Variants in EBAG9 observed in about 807,000 individuals in gnomAD.
EBAG9 encodes receptor-binding cancer antigen expressed on SiSo cells.
EBAG9 carries 16 observed loss-of-function variants against 30.9 expected under a neutral mutation model. That is an observed-to-expected ratio of 0.52 (90% CI 0.35 to 0.79). The LOEUF (loss-of-function observed/expected upper bound fraction) is 0.79. Ranked by LOEUF, EBAG9 falls within the 30% of genes least tolerant of loss-of-function variation. The probability of loss-of-function intolerance (pLI) is 0.01; values close to 1 mark genes in which losing one functional copy is unlikely to be tolerated. For synonymous variants in EBAG9, 93 were observed against 82.8 expected (o/e 1.12, Z -0.67); for missense variants, 197 against 242.1 (o/e 0.81, Z 1.24).
rs994176406 is a variant in EBAG9, at chr8:109,565,789, T to A, written c.*1230T>A. On this transcript the variant is annotated 3_prime_UTR_variant, in exon 7 of 7. Coordinates refer to ENST00000337573, the MANE Select transcript of EBAG9 (RefSeq NM_004215.5). ...CTGTACAGGCCAAACCTTACTAATT[T>A]ATTTTACTTAAAGTGATATTTTATA... The A allele has an allele frequency of 7.2e-5, 11 of 152,128 alleles. No homozygotes were observed. The highest frequency in any genetic ancestry group is 5.9e-5 in the Non-Finnish European group (4 of 67,956). The allele number at this position is 152,128 out of a possible 1,614,324, so 9.4% of individuals were successfully genotyped here.
At chr8:109,540,516 C>T (rs1485712233) in intron 1 of EBAG9, 55 bp downstream of exon 1, 1 of 152,034 alleles carries the variant, frequency 6.6e-6, no homozygotes, top group Non-Finnish European at 1.5e-5. Flanking sequence ...AATGAAACCA[C>T]TTAAGTTATG....
At position 109,564,463 on chromosome 8, in the gene EBAG9, A is replaced by C; in HGVS notation, c.546A>C (p.Glu182Asp). 6.2e-7 allele frequency: 1 copy of C among 1,612,754 alleles called. No homozygotes were observed. The highest frequency in any genetic ancestry group is 8.5e-7 in the Non-Finnish European group (1 of 1,179,014). The change falls in exon 7 of 7, where the codon GAA becomes GAC. Residue 182 changes from glutamate to aspartate, a missense_variant. By Grantham distance (45) the Glu-to-Asp change is conservative. Coordinates refer to ENST00000337573, the MANE Select transcript of EBAG9 (RefSeq NM_004215.5). ...GACAGCAGAAACTAGCAGACAGAGA[A>C]AAGAGAGCAGCCGAACAACAAAGGA... ...VLRQQKLADR[E>D]KRAAEQQRKK...
rs1200181266 is a variant in EBAG9, at chr8:109,565,408, G to C, written c.*849G>C. ...AATTTACAAATGCTTAAAGCCATCA[G>C]GTCAAATATTTCAAAGCCTTTAGAT... On this transcript the variant is annotated 3_prime_UTR_variant, in exon 7 of 7. Transcript: ENST00000337573. 1 of 151,930 alleles carries C rather than the reference G, an allele frequency of 6.6e-6. No homozygotes were observed. The highest frequency in any genetic ancestry group is 2.4e-5 in the African/African-American group (1 of 41,388). The allele number at this position is 151,930 out of a possible 1,614,324, so 9.4% of individuals were successfully genotyped here. A position where few individuals can be genotyped will look rare whatever the true frequency, so the allele number is the denominator to read the frequency against.
At chr8:109,557,697 T>C (rs1821628943) in intron 5 of EBAG9, 1 of 455,948 alleles carries the variant, frequency 2.2e-6, no homozygotes. Context: ...CTAAACTGGG[T>C]GGTTCTAACT....
At chr8:109,545,313 C>G (rs1821360365) in intron 1 of EBAG9, among the ~76,000 whole-genome samples, 1 of 108,910 alleles carries the variant, frequency 9.2e-6, no homozygotes, top group African/African-American at 4.4e-5. Flanking sequence ...CAGAGCGAGA[C>G]TGTGTCTCAA....
chr8:109,559,758 T>C (rs1403973343), intron 5 of EBAG9, among the ~76,000 whole-genome samples: 1 of 151,510 alleles, frequency 6.6e-6, no homozygotes, highest in East Asian at 1.9e-4. Flanking sequence ...GAAGCTGCAG[T>C]GAACCATGAT....
chr8:109,560,269 A>G (rs1157871779), intron 5 of EBAG9, among the ~76,000 whole-genome samples: 4 of 152,216 alleles, frequency 2.6e-5, no homozygotes, highest in African/African-American at 9.7e-5. Context: ...AGCATGACCT[A>G]GAAGTATTTC....
chr8:109,561,624 A>G (rs1821712206), intron 6 of EBAG9, among the ~76,000 whole-genome samples: 2 of 152,018 alleles, frequency 1.3e-5, no homozygotes, highest in African/African-American at 2.4e-5. Flanking sequence ...ATGCATCTAA[A>G]GAATTCATAC....
chr8:109,545,582 C>T (rs1821368457), intron 1 of EBAG9, among the ~76,000 whole-genome samples: 1 of 151,918 alleles, frequency 6.6e-6, no homozygotes, highest in Non-Finnish European at 1.5e-5. Flanking sequence ...CCAGGCTGGT[C>T]TCGAACTCCT....
chr8:109,553,831 G>T lies in EBAG9; in HGVS notation c.84-34G>T, dbSNP rs763890372. ...TGCTTTTACTTTGCTTGTTTTGGTGGTTCTTGAAATAAATTATTTCATTTT... is the reference window on the plus strand; with the variant it reads ...TGCTTTTACTTTGCTTGTTTTGGTGTTTCTTGAAATAAATTATTTCATTTT... On this transcript the variant is annotated intron_variant, in intron 2 of 6. Transcript: ENST00000337573. The T allele has an allele frequency of 5.2e-6, 8 of 1,551,902 alleles. No individual in the cohort carries two copies. In the Admixed American group the frequency reaches 1.4e-4, roughly 28 times the overall value.
chr8:109,563,484 G>C (rs1419499694), intron 6 of EBAG9: 1 of 1,597,376 alleles, frequency 6.3e-7, no homozygotes, highest in Admixed American at 1.7e-5. Flanking sequence ...AATCAGTAAA[G>C]ATAGAGAGAG....
In EBAG9 at chr8:109,559,613, A is replaced by G. The variant is rs1436153446; in HGVS notation, c.430-1225A>G. On this transcript the variant is annotated intron_variant, in intron 5 of 6. Coordinates refer to ENST00000337573, the MANE Select transcript of EBAG9 (RefSeq NM_004215.5). ...GATCACTTGAGTTCAGGAGTTCAAG[A>G]CCAACCTGAGCAACATAGCTAGACC... 2.6e-5 allele frequency among the ~76,000 whole-genome samples: 4 copies of G among 152,120 alleles called. 1 individual carries two copies. The highest frequency in any genetic ancestry group is 9.7e-5 in the African/African-American group (4 of 41,426).
At chr8:109,541,728 C>T (rs1244650831) in intron 1 of EBAG9, among the ~76,000 whole-genome samples, 2 of 152,022 alleles carry the variant, frequency 1.3e-5, no homozygotes, top group African/African-American at 4.8e-5. Context: ...GCAGAGTTTC[C>T]CCATGCGGAG....
At chr8:109,554,628 AAAACC>A (rs1280154219) in intron 3 of EBAG9, 96 bp from the exon 4 acceptor site, 1 of 1,237,224 alleles carries the variant, frequency 8.1e-7, no homozygotes, top group African/African-American at 1.5e-5. Context: ...AAAAAGTTTG[AAAACC>A]AGTGTTTTAG....
Position 109,556,963 on chromosome 8 carries a change from A to T in EBAG9, c.350A>T (p.Asn117Ile). ...KIVIKKREPL[N>I]FGIPDGSTGF... ...GTTATTAAGAAGAGAGAACCATTGA[A>T]TTTTGGCATCCCAGATGGGAGCACA... Residue 117 changes from asparagine (N) to isoleucine (I), a missense_variant, in exon 5 of 7, where the codon AAT becomes ATT. Asn to Ile is a moderately radical substitution (Grantham distance 149). Coordinates refer to ENST00000337573, the MANE Select transcript of EBAG9 (RefSeq NM_004215.5). 1 of 1,600,184 alleles carries T rather than the reference A, an allele frequency of 6.2e-7. No individual in the cohort carries two copies. Among genetic ancestry groups the T allele is most frequent in the South Asian group, 1.1e-5 (1 of 88,824 alleles).
At chr8:109,562,406 T>C (rs866188677) in intron 6 of EBAG9, among the ~76,000 whole-genome samples, 9 of 152,102 alleles carry the variant, frequency 5.9e-5, no homozygotes, top group African/African-American at 1.7e-4. Context: ...GTAATAGACA[T>C]GCTTCATGCC....
intron 2 of EBAG9, 107 bp from the exon 3 acceptor site, chr8:109,553,758 A>G (rs975391815): frequency 5.7e-5 from 47 of 827,424 alleles, no homozygotes; most frequent in Non-Finnish European, 8.4e-5. Context: ...TAATCATAAA[A>G]TTGAGAAAGA....
At chr8:109,553,579 T>TG (rs1821536262) in intron 2 of EBAG9, among the ~76,000 whole-genome samples, 1 of 152,218 alleles carries the variant, frequency 6.6e-6, no homozygotes, top group Non-Finnish European at 1.5e-5. Context: ...GAAACCGTCT[T>TG]GCATTTTTAT....
chr8:109,553,993 A>G lies in EBAG9; in HGVS notation c.162+50A>G, dbSNP rs188777792. On this transcript the variant is annotated intron_variant, in intron 3 of 6. Transcript: ENST00000337573. ...TGTTTTGTTTTGTTTTGAAAGATTG[A>G]ATAAGTGTCCTAGAACAATATTTTA... 132 of 1,370,500 alleles carry G rather than the reference A, an allele frequency of 9.6e-5. 1 individual carries two copies. In the African/African-American group the frequency reaches 1.8e-3, roughly 19 times the overall value. 84.9% of individuals were successfully genotyped at this position (1,370,500 alleles called of 1,614,324 possible). A position where few individuals can be genotyped will look rare whatever the true frequency, so the allele number is the denominator to read the frequency against.
Sources: allele counts gnomAD v4.1 joint callset (sites outside exome capture counted in the v4.1 genomes callset), GRCh38; gene constraint gnomAD v4.1.1; transcripts MANE v1.5; gene names NCBI Gene and HGNC (gene_info 2026-07-23, HGNC 2026-07-21).